The following PLPPR1 variants were observed in gnomAD, a reference collection of about 807,000 sequenced individuals.
The protein encoded by PLPPR1 is phospholipid phosphatase related 1.
Under a neutral mutation model 33.1 loss-of-function variants are expected in PLPPR1, and 10 were observed. That is an observed-to-expected ratio of 0.30 (90% CI 0.19 to 0.51). The LOEUF is 0.51. Among genes scored for constraint, PLPPR1 ranks in the 20% least tolerant of loss-of-function variants. PLPPR1 has a pLI of 0.97. For synonymous variants in PLPPR1, 151 were observed against 151.0 expected, an observed-to-expected ratio of 1.00 and a Z score of 0.00; for missense variants, 304 against 408.1, an observed-to-expected ratio of 0.74 and a Z score of 2.20.
intron 1 of PLPPR1, among the ~76,000 whole-genome samples, chr9:101,127,879 A>T (rs1199031950): frequency 6.6e-6 from 1 of 152,146 alleles, no homozygotes; most frequent in Non-Finnish European, 1.5e-5. Flanking sequence ...GGGGTAAATG[A>T]GGAGAATGAA....
chr9:101,262,994 G>A (rs988006355), intron 2 of PLPPR1, among the ~76,000 whole-genome samples: 25 of 152,068 alleles, frequency 1.6e-4, no homozygotes, highest in Admixed American at 1.6e-3. Context: ...TCGCACACCA[G>A]GGCCTGTCAG....
At chr9:101,170,950 G>T (rs1825934171) in intron 1 of PLPPR1, among the ~76,000 whole-genome samples, 1 of 151,966 alleles carries the variant, frequency 6.6e-6, no homozygotes, top group Non-Finnish European at 1.5e-5. Flanking sequence ...TTAAAAAAAA[G>T]AAAAGAAAAT....
intron 1 of PLPPR1, among the ~76,000 whole-genome samples, chr9:101,060,425 G>A (rs1188060785): frequency 6.6e-6 from 1 of 151,874 alleles, no homozygotes; most frequent in Non-Finnish European, 1.5e-5. Flanking sequence ...TTAACATATT[G>A]TATATTTGAA....
chr9:101,122,908 T>C (rs1831194665), intron 1 of PLPPR1, among the ~76,000 whole-genome samples: 1 of 152,204 alleles, frequency 6.6e-6, no homozygotes, highest in Non-Finnish European at 1.5e-5. Context: ...TCTACATCTG[T>C]TTCCAGAATT....
chr9:101,115,854 T>G (rs1242297439), intron 1 of PLPPR1, among the ~76,000 whole-genome samples: 1 of 152,194 alleles, frequency 6.6e-6, no homozygotes, highest in Non-Finnish European at 1.5e-5. Context: ...TCCCTCAGAT[T>G]CAACTAAAAG....
chr9:101,201,562 C>G (rs888700775), intron 2 of PLPPR1, among the ~76,000 whole-genome samples: 1 of 152,062 alleles, frequency 6.6e-6, no homozygotes, highest in African/African-American at 2.4e-5. Context: ...GTTTTCTAAA[C>G]TATAAAAAGG....
At chr9:101,184,178 A>AT (rs1826166223) in intron 1 of PLPPR1, among the ~76,000 whole-genome samples, 1 of 151,820 alleles carries the variant, frequency 6.6e-6, no homozygotes. Context: ...TATGGGTATG[A>AT]TTTTATAACA....
chr9:101,116,629 A>C (rs1165218399), intron 1 of PLPPR1, among the ~76,000 whole-genome samples: 1 of 152,068 alleles, frequency 6.6e-6, no homozygotes, highest in Non-Finnish European at 1.5e-5. Context: ...CCTGGCCAAG[A>C]TGGTGAAACC....
intron 2 of PLPPR1, among the ~76,000 whole-genome samples, chr9:101,253,797 T>C (rs1019811245): frequency 6.6e-6 from 1 of 152,120 alleles, no homozygotes; most frequent in Non-Finnish European, 1.5e-5. Context: ...TGTGGTTCAG[T>C]CATTTGATGA....
chr9:101,127,489 C>A (rs998867036), intron 1 of PLPPR1, among the ~76,000 whole-genome samples: 3 of 152,208 alleles, frequency 2.0e-5, no homozygotes, highest in African/African-American at 7.2e-5. Flanking sequence ...TGAAAAGGCA[C>A]ATTGCATTAA....
At chr9:101,226,615 G>A (rs186703721) in intron 2 of PLPPR1, among the ~76,000 whole-genome samples, 1 of 152,146 alleles carries the variant, frequency 6.6e-6, no homozygotes. Context: ...AGCTTGCTGG[G>A]TCTCTTTTAT....
chr9:101,120,992 A>C (rs948856923), intron 1 of PLPPR1, among the ~76,000 whole-genome samples: 1 of 152,194 alleles, frequency 6.6e-6, no homozygotes, highest in African/African-American at 2.4e-5. Context: ...GCTGATTCAC[A>C]AGGAGGTGAA....
chr9:101,265,067 G>A (rs565508835), intron 2 of PLPPR1, among the ~76,000 whole-genome samples: 1 of 152,242 alleles, frequency 6.6e-6, no homozygotes, highest in Non-Finnish European at 1.5e-5. Flanking sequence ...ACAGCCTGTT[G>A]GAAAAGGTTC....
intron 2 of PLPPR1, among the ~76,000 whole-genome samples, chr9:101,232,525 G>T (rs1827211511): frequency 6.6e-6 from 1 of 151,534 alleles, no homozygotes; most frequent in Non-Finnish European, 1.5e-5. Flanking sequence ...AGAAATTGGG[G>T]TTAAAGAGTA....
chr9:101,060,683 G>A (rs1830335962), intron 1 of PLPPR1, among the ~76,000 whole-genome samples: 1 of 151,802 alleles, frequency 6.6e-6, no homozygotes, highest in African/African-American at 2.4e-5. Flanking sequence ...AAAATAATGA[G>A]TGTAAGCTTT....
chr9:101,229,225 A>G lies in PLPPR1; in HGVS notation c.64-40655A>G, dbSNP rs144472760. Among the ~76,000 whole-genome samples the G allele has an allele frequency of 1.1e-3, 174 of 152,256 alleles. 1 individual carries two copies. Among genetic ancestry groups the G allele is most frequent in the African/African-American group, 3.9e-3 (161 of 41,574 alleles). ...TATCTGCAGTCATTCAGTAAAAAGA[A>G]AAACAGTGCAGTGTGGTATTCAAGG... On this transcript the variant is annotated intron_variant, in intron 2 of 7. Transcript: ENST00000374874.
intron 4 of PLPPR1, among the ~76,000 whole-genome samples, chr9:101,299,437 A>G (rs1367304497): frequency 6.6e-6 from 1 of 152,164 alleles, no homozygotes; most frequent in Non-Finnish European, 1.5e-5. Flanking sequence ...TTGGGTCTCA[A>G]GAAATTGTGA....
chr9:101,233,739 T>C (rs1403208589), intron 2 of PLPPR1, among the ~76,000 whole-genome samples: 2 of 151,886 alleles, frequency 1.3e-5, no homozygotes, highest in African/African-American at 2.4e-5. Flanking sequence ...GGACTGTCCA[T>C]TATAAGTCTC....
intron 2 of PLPPR1, among the ~76,000 whole-genome samples, chr9:101,265,985 G>A (rs1273775226): frequency 6.6e-6 from 1 of 150,756 alleles, no homozygotes; most frequent in Non-Finnish European, 1.5e-5. Context: ...GACAGTGCGA[G>A]ACACCGCCTC....
Sources: gnomAD v4.1 joint callset for allele counts (sites outside exome capture counted in the v4.1 genomes callset) on GRCh38, gnomAD v4.1.1 for gene constraint, MANE v1.5 for transcripts, NCBI Gene and HGNC (gene_info 2026-07-23, HGNC 2026-07-21) for gene names.